NFIB: variants seen among roughly 807,000 people sequenced by gnomAD.
NFIB encodes the protein nuclear factor I B, also known as nuclear factor 1 B-type.
In NFIB, 11 loss-of-function variants were observed where a neutral mutation model predicts 61.5. The ratio of observed to expected loss-of-function variants is 0.18; its 90% CI spans 0.11 to 0.30. The LOEUF is 0.30. NFIB is among the 10% of genes least tolerant of loss of function. The pLI, the probability that NFIB is intolerant of heterozygous loss-of-function variation, is 1.00. For missense variants in NFIB, 471 were observed against 608.9 expected (o/e 0.77, Z 2.38); for synonymous variants, 260 against 216.5 (o/e 1.20, Z -1.76).
intron 1 of NFIB, among the ~76,000 whole-genome samples, chr9:14,312,942 G>A (rs1209083883): frequency 1.3e-5 from 2 of 152,234 alleles, no homozygotes; most frequent in African/African-American, 4.8e-5. Context: ...ATAAAGCAAA[G>A]GAATGGGTCC....
intron 2 of NFIB, among the ~76,000 whole-genome samples, chr9:14,198,763 G>A (rs559228378): frequency 1.4e-3 from 213 of 152,304 alleles, no homozygotes; most frequent in Non-Finnish European, 2.6e-3. Context: ...CTTGGCTGCT[G>A]ATGCTTGCTC....
chr9:14,222,787 T>G, intron 2 of NFIB, among the ~76,000 whole-genome samples: 1 of 31,728 alleles, frequency 3.2e-5, no homozygotes, highest in Admixed American at 3.6e-4. Flanking sequence ...CAGAGTAAGA[T>G]CCTGTCTCAA....
At chr9:14,421,096 A>T in the NFIB span, among the ~76,000 whole-genome samples, 1 of 151,850 alleles carries the variant, frequency 6.6e-6, no homozygotes, top group African/African-American at 2.4e-5. Context: ...AAAAAAAAAA[A>T]AATAAGGCAT....
the NFIB span, among the ~76,000 whole-genome samples, chr9:14,414,459 T>A: frequency 6.9e-6 from 1 of 145,402 alleles, no homozygotes; most frequent in Non-Finnish European, 1.5e-5. Flanking sequence ...AAAGAAAACG[T>A]AATTGGACAT....
Position 14,347,691 on chromosome 9 carries a change from G to C in NFIB, c.109-40171C>G, listed in dbSNP as rs551147434. On this transcript the variant is annotated intron_variant, in intron 1 of 8. Coordinates refer to the NFIB transcript ENST00000380934. The stretch of plus-strand genomic sequence containing the variant: ...AGGTCCCAGAGGCACTGGGGGGTCG[G>C]GTGACTGTGCGGAGTGTAAAAGACA... Among the ~76,000 whole-genome samples, 8 of 152,258 alleles carry C rather than the reference G, an allele frequency of 5.3e-5. No homozygotes were observed. The South Asian group carries it at 1.5e-3, about 28-fold the overall frequency.
chr9:14,522,982 G>C, the NFIB span, among the ~76,000 whole-genome samples: 24 of 152,160 alleles, frequency 1.6e-4, no homozygotes, highest in Non-Finnish European at 2.8e-4. Flanking sequence ...TTTCTCCCTT[G>C]TGTCTCTACC....
the NFIB span, among the ~76,000 whole-genome samples, chr9:14,492,825 C>A: frequency 6.6e-6 from 1 of 152,106 alleles, no homozygotes. Flanking sequence ...GGTAAAGAGG[C>A]TAAGGGCCAT....
the NFIB span, among the ~76,000 whole-genome samples, chr9:14,451,114 T>C: frequency 1.3e-5 from 2 of 152,344 alleles, no homozygotes; most frequent in African/African-American, 4.8e-5. Flanking sequence ...GGAGGAAACA[T>C]TTGAGGTGTT....
chr9:14,087,407 C>G lies in NFIB; in HGVS notation c.*902G>C, dbSNP rs923425689. On this transcript the variant is annotated 3_prime_UTR_variant, in exon 11 of 11. Coordinates refer to ENST00000380953, the MANE Select transcript of NFIB (RefSeq NM_001190737.2). ...TGAAGGACTTATAATCATGATTCCC[C>G]TTTAGATATAAATTTATAAATTGCA... is the stretch of plus-strand genomic sequence containing the variant. The G allele has an allele frequency of 6.7e-5, 14 of 209,160 alleles. No homozygotes were observed. In the East Asian group the frequency reaches 1.0e-3, roughly 15 times the overall value. The allele number at this position is 209,160 out of a possible 1,614,324, so 13.0% of individuals were successfully genotyped here.
the NFIB span, among the ~76,000 whole-genome samples, chr9:14,430,168 A>C: frequency 6.6e-6 from 1 of 152,236 alleles, no homozygotes; most frequent in Non-Finnish European, 1.5e-5. Flanking sequence ...GCTTATGGTA[A>C]TAAAGCAAGC....
At chr9:14,111,794 T>C (rs1470327790) in intron 10 of NFIB, among the ~76,000 whole-genome samples, 3 of 152,222 alleles carry the variant, frequency 2.0e-5, no homozygotes, top group African/African-American at 7.2e-5. Flanking sequence ...CTCACTCTTT[T>C]GGTTTGTTTT....
At chr9:14,421,294 C>T in the NFIB span, among the ~76,000 whole-genome samples, 1 of 152,144 alleles carries the variant, frequency 6.6e-6, no homozygotes, top group Non-Finnish European at 1.5e-5. Context: ...AGAACAATGT[C>T]TGGCTCAATA....
chr9:14,223,057 G>A (rs1281405068), intron 2 of NFIB, among the ~76,000 whole-genome samples: 2 of 152,080 alleles, frequency 1.3e-5, no homozygotes, highest in African/African-American at 2.4e-5. Context: ...AATAGCTGAT[G>A]AACTTAAAGA....
chr9:14,449,410 C>G, the NFIB span, among the ~76,000 whole-genome samples: 1 of 152,128 alleles, frequency 6.6e-6, no homozygotes, highest in African/African-American at 2.4e-5. Flanking sequence ...TTAAACATCT[C>G]CTCAAATGAG....
chr9:14,332,197 G>C (rs902935332), intron 1 of NFIB, among the ~76,000 whole-genome samples: 1 of 151,830 alleles, frequency 6.6e-6, no homozygotes, highest in Non-Finnish European at 1.5e-5. Flanking sequence ...ACTGGGCGTC[G>C]TGGTGGGCGC....
chr9:14,394,628 T>C (rs140722790), intron 1 of NFIB, among the ~76,000 whole-genome samples: 1,564 of 152,216 alleles, frequency 0.01, 31 homozygotes, highest in African/African-American at 0.036. Flanking sequence ...CAAGTGGGGA[T>C]TATTACAGTT....
intron 1 of NFIB, among the ~76,000 whole-genome samples, chr9:14,337,028 T>G (rs557577858): frequency 1.3e-5 from 2 of 152,334 alleles, no homozygotes; most frequent in East Asian, 3.9e-4. Flanking sequence ...CATGGGATAT[T>G]ATTCTTCTTT....
chr9:14,442,779 G>A, the NFIB span, among the ~76,000 whole-genome samples: 1 of 152,114 alleles, frequency 6.6e-6, no homozygotes, highest in African/African-American at 2.4e-5. Flanking sequence ...GGATCTGGGG[G>A]TTCAAGTCCA....
chr9:14,300,592 T>C (rs2059696981), intron 2 of NFIB, among the ~76,000 whole-genome samples: 1 of 152,236 alleles, frequency 6.6e-6, no homozygotes, highest in Non-Finnish European at 1.5e-5. Flanking sequence ...TCATGTGCTC[T>C]TTGCACTCTT....
Sources: allele counts gnomAD v4.1 joint callset (sites outside exome capture counted in the v4.1 genomes callset), GRCh38; gene constraint gnomAD v4.1.1; transcripts MANE v1.5; gene names NCBI Gene and HGNC (gene_info 2026-07-23, HGNC 2026-07-21).